Variants in SETX observed in about 807,000 individuals in gnomAD.
SETX encodes senataxin.
Under a neutral mutation model 227.2 loss-of-function variants are expected in SETX, and 90 were observed. The observed-to-expected ratio is 0.40, with a 90% CI of 0.33 to 0.47. The LOEUF (loss-of-function observed/expected upper bound fraction) is 0.47, where lower values mean the gene tolerates loss of function less well. SETX is among the 20% of genes least tolerant of loss of function. The probability of loss-of-function intolerance (pLI) is 0.91; values close to 1 mark genes in which losing one functional copy is unlikely to be tolerated. For missense variants in SETX, 3,052 were observed against 3,181.5 expected (o/e 0.96, Z 0.98); for synonymous variants, 1,210 against 1,113.2 (o/e 1.09, Z -1.73).
intron 3 of SETX, among the ~76,000 whole-genome samples, chr9:132,348,614 T>C (rs1207925347): frequency 6.6e-6 from 1 of 152,108 alleles, no homozygotes; most frequent in Non-Finnish European, 1.5e-5. Flanking sequence ...GGCAATGAGT[T>C]AGGTACTTGA....
Position 132,261,494 on chromosome 9 carries a change from ATCT to A in SETX, c.*2742_*2744del, listed in dbSNP as rs1182866525. 3.9e-5 allele frequency: 6 copies of A among 152,324 alleles called. No individual in the cohort carries two copies. The highest frequency in any genetic ancestry group is 1.2e-4 in the African/African-American group (5 of 41,474). 9.4% of individuals were successfully genotyped at this position (152,324 alleles called of 1,614,324 possible). A position where few individuals can be genotyped will look rare whatever the true frequency, so the allele number is the denominator to read the frequency against. On this transcript the variant is annotated 3_prime_UTR_variant, in exon 26 of 26. Coordinates refer to ENST00000224140, the MANE Select transcript of SETX (RefSeq NM_015046.7). ...AATACATAACCTCTAATCCATGTCCATCTTCTTGTTTCTGCTTTTAATTCTGCC... is the reference window on the plus strand; with the variant it reads ...AATACATAACCTCTAATCCATGTCCATCTTGTTTCTGCTTTTAATTCTGCC...
rs1843497922 is a variant in SETX, at chr9:132,281,462, C to T, written c.6654+5G>A. On this transcript the variant is annotated splice_donor_5th_base_variant and intron_variant, in intron 20 of 25. Coordinates refer to ENST00000224140, the MANE Select transcript of SETX (RefSeq NM_015046.7). Reference sequence around the variant, plus strand: ...TTTAAAGCAATCTGAACATAAAAAACTTACCATAGAGATGACTGTCGGAGG... The same window carrying T: ...TTTAAAGCAATCTGAACATAAAAAATTTACCATAGAGATGACTGTCGGAGG... 1 of 1,607,018 alleles carries T rather than the reference C, an allele frequency of 6.2e-7. No homozygotes were observed. Among genetic ancestry groups the T allele is most frequent in the Non-Finnish European group, 8.5e-7 (1 of 1,173,570 alleles).
chr9:132,333,173 G>A (rs1052746212), intron 7 of SETX, among the ~76,000 whole-genome samples: 10 of 151,166 alleles, frequency 6.6e-5, no homozygotes, highest in Non-Finnish European at 1.3e-4. Flanking sequence ...GAGACCAGGA[G>A]TTCAAGACCA....
chr9:132,275,955 T>A (rs561324273), intron 22 of SETX, among the ~76,000 whole-genome samples: 1 of 152,152 alleles, frequency 6.6e-6, no homozygotes, highest in Non-Finnish European at 1.5e-5. Flanking sequence ...TTGACCCCAG[T>A]TGAACAACAT....
rs1001551120 is a variant in SETX, at chr9:132,262,708, A to T, written c.*1531T>A. 6 of 152,620 alleles carry T rather than the reference A, an allele frequency of 3.9e-5. No homozygotes were observed. The highest frequency in any genetic ancestry group is 1.4e-4 in the African/African-American group (6 of 41,450). The allele number at this position is 152,620 out of a possible 1,614,324, so 9.5% of individuals were successfully genotyped here. Reference sequence around the variant, plus strand: ...CAAATGCTCAAACTTTTGGCAACCGAAAGTTGTTTTTTAAAGCTCTTTATA... The same window carrying T: ...CAAATGCTCAAACTTTTGGCAACCGTAAGTTGTTTTTTAAAGCTCTTTATA... On this transcript the variant is annotated 3_prime_UTR_variant, in exon 26 of 26. Transcript: ENST00000224140.
intron 4 of SETX, among the ~76,000 whole-genome samples, chr9:132,344,563 A>G (rs906561641): frequency 8.5e-5 from 13 of 152,208 alleles, no homozygotes; most frequent in African/African-American, 3.1e-4. Context: ...AAAATATGAA[A>G]ATGAACTAGA....
At chr9:132,271,946 G>A (rs1433942190) in intron 23 of SETX, 138 bp from the exon 24 acceptor site, 36 of 629,998 alleles carry the variant, frequency 5.7e-5, no homozygotes, top group Non-Finnish European at 8.7e-5. Context: ...GCAGTGGCGC[G>A]ATCTCAGTTC....
intron 6 of SETX, among the ~76,000 whole-genome samples, chr9:132,335,151 G>T (rs909939404): frequency 6.6e-6 from 1 of 151,958 alleles, no homozygotes; most frequent in African/African-American, 2.4e-5. Flanking sequence ...AGCACTTTGG[G>T]AGGCCAAGGC....
At chr9:132,342,221 C>G (rs1564563409) in intron 5 of SETX, among the ~76,000 whole-genome samples, 1 of 152,190 alleles carries the variant, frequency 6.6e-6, no homozygotes, top group African/African-American at 2.4e-5. Flanking sequence ...GGTTTCAATG[C>G]TATCTGCTTC....
chr9:132,336,481 A>G lies in SETX; in HGVS notation c.533T>C (p.Leu178Ser). The change falls in exon 6 of 26, where the codon TTG (leucine) becomes TCG (serine). Residue 178 changes from leucine (L) to serine (S), a missense_variant. By Grantham distance (145) the Leu-to-Ser change is moderately radical. Around this residue, in one of 10 missense-constraint regions of SETX, gnomAD observed 239 missense variants for 240.8 expected, o/e 0.99. Coordinates refer to ENST00000224140, the MANE Select transcript of SETX (RefSeq NM_015046.7). The part of the protein sequence containing the change: ...RRWAILTARN[L>S]GKVDRDDYYD... ...ATAATCATCTCTGTCCACTTTCCCC[A>G]AGTTTCTTGCAGTCAAGATAGCCCA... 12 of 1,614,156 alleles carry G rather than the reference A, an allele frequency of 7.4e-6. No homozygotes were observed. Among genetic ancestry groups the G allele is most frequent in the Non-Finnish European group, 1.0e-5 (12 of 1,180,018 alleles).
At chr9:132,300,581 G>GA in intron 12 of SETX, 49 bp downstream of exon 12, 1 of 1,566,996 alleles carries the variant, frequency 6.4e-7, no homozygotes, top group South Asian at 1.1e-5. Flanking sequence ...TAGATTATTA[G>GA]ATGAGACTGT....
intron 4 of SETX, among the ~76,000 whole-genome samples, chr9:132,343,935 C>T (rs1192571612): frequency 6.6e-6 from 1 of 151,986 alleles, no homozygotes; most frequent in African/African-American, 2.4e-5. Flanking sequence ...AATATATGGC[C>T]TCCCTCAACA....
intron 11 of SETX, among the ~76,000 whole-genome samples, chr9:132,301,037 T>G (rs1452413574): frequency 6.6e-6 from 1 of 151,062 alleles, no homozygotes; most frequent in African/African-American, 2.4e-5. Flanking sequence ...TAGACAAAAC[T>G]ATAATATTGA....
intron 15 of SETX, among the ~76,000 whole-genome samples, chr9:132,290,480 CAGG>C (rs1415130893): frequency 1.4e-5 from 2 of 143,172 alleles, no homozygotes; most frequent in African/African-American, 5.3e-5. Flanking sequence ...GAGGCTGAGG[CAGG>C]AGAACTGCTT....
chr9:132,294,330 G>A (rs915026381), intron 15 of SETX, among the ~76,000 whole-genome samples: 6 of 152,280 alleles, frequency 3.9e-5, no homozygotes, highest in African/African-American at 1.4e-4. Context: ...ATAAAGTTTT[G>A]TAATGCTCAA....
chr9:132,348,855 A>C (rs1438304639), intron 3 of SETX, among the ~76,000 whole-genome samples: 1 of 152,092 alleles, frequency 6.6e-6, no homozygotes, highest in African/African-American at 2.4e-5. Context: ...TTGAGTCCAG[A>C]AGGTTGAGGC....
intron 13 of SETX, 50 bp downstream of exon 13, chr9:132,298,030 G>A (rs2131294433): frequency 1.4e-6 from 2 of 1,467,422 alleles, no homozygotes; most frequent in Non-Finnish European, 1.9e-6. Context: ...AAAATATGAT[G>A]CTTTAACATC....
At chr9:132,345,617 CG>C (rs1848243935) in intron 4 of SETX, among the ~76,000 whole-genome samples, 2 of 152,122 alleles carry the variant, frequency 1.3e-5, no homozygotes, top group Non-Finnish European at 2.9e-5. Flanking sequence ...TGAACAGATA[CG>C]TAATAAAGCA....
In SETX at chr9:132,278,069, C is replaced by T. The variant is rs1038776365; in HGVS notation, c.6842+1G>A. ...GGTCACAAACAATAAGGGGAACTCA[C>T]CTATTTGTTTTTAAGTTTCTGTTAT... On this transcript the variant is annotated splice_donor_variant, in intron 21 of 25. Coordinates refer to ENST00000224140, the MANE Select transcript of SETX (RefSeq NM_015046.7). LOFTEE classifies it high-confidence loss of function. The T allele has an allele frequency of 1.2e-6, 2 of 1,613,050 alleles. No homozygotes were observed. Among genetic ancestry groups the T allele is most frequent in the South Asian group, 1.1e-5 (1 of 91,058 alleles).
Sources: allele counts gnomAD v4.1 joint callset (sites outside exome capture counted in the v4.1 genomes callset), GRCh38; gene constraint gnomAD v4.1.1; regional missense constraint gnomAD v4.1.1; transcripts MANE v1.5; gene names NCBI Gene and HGNC (gene_info 2026-07-23, HGNC 2026-07-21).